The following DYM variants were observed in gnomAD, a reference collection of about 807,000 sequenced individuals.
DYM encodes dymeclin.
In DYM, 78 loss-of-function variants were observed where a neutral mutation model predicts 93.1. That is an observed-to-expected ratio of 0.84 (90% confidence interval 0.70 to 1.01). The LOEUF (loss-of-function observed/expected upper bound fraction) is 1.01, where lower values mean the gene tolerates loss of function less well. Among genes scored for constraint, DYM ranks in the 50% least tolerant of loss-of-function variants. The probability of loss-of-function intolerance (pLI) is 0.00; values close to 1 mark genes in which losing one functional copy is unlikely to be tolerated. For missense variants in DYM, 789 were observed against 845.0 expected (o/e 0.93, Z 0.82); for synonymous variants, 321 against 319.7 (o/e 1.00, Z -0.04).
chr18:49,066,800 C>G (rs1485460046), intron 17 of DYM, among the ~76,000 whole-genome samples: 1 of 152,050 alleles, frequency 6.6e-6, no homozygotes. Flanking sequence ...CAAACCTTCC[C>G]TGGATATTGT....
chr18:49,452,492 C>A (rs548520721), intron 1 of DYM, among the ~76,000 whole-genome samples: 1 of 152,168 alleles, frequency 6.6e-6, no homozygotes, highest in Admixed American at 6.5e-5. Context: ...CGTTTACAAT[C>A]CCTGAGCTAG....
intron 13 of DYM, among the ~76,000 whole-genome samples, chr18:49,212,124 G>C (rs757657387): frequency 2.0e-4 from 30 of 151,886 alleles, no homozygotes; most frequent in Non-Finnish European, 7.4e-5. Flanking sequence ...ACAAAAAACT[G>C]TTCTGTATTC....
chr18:49,291,489 G>T (rs1318166314), intron 8 of DYM, among the ~76,000 whole-genome samples: 1 of 152,120 alleles, frequency 6.6e-6, no homozygotes, highest in Non-Finnish European at 1.5e-5. Context: ...ATGGGGGAAG[G>T]GGGGAAATAG....
chr18:49,241,306 A>ATAG (rs2094001891), intron 13 of DYM, among the ~76,000 whole-genome samples: 4 of 152,214 alleles, frequency 2.6e-5, no homozygotes, highest in Non-Finnish European at 5.9e-5. Flanking sequence ...GCCAAAAAGA[A>ATAG]CATTTCTACG....
chr18:49,336,579 G>A (rs1599517418), intron 6 of DYM, among the ~76,000 whole-genome samples: 2 of 152,270 alleles, frequency 1.3e-5, no homozygotes, highest in East Asian at 3.9e-4. Flanking sequence ...CGTAGGCCCA[G>A]AGAAACAAAT....
In DYM at chr18:49,393,027, AAGGAGG is replaced by A. The variant is rs142926004; in HGVS notation, c.141-1388_141-1383del. Reference sequence around the variant, plus strand: ...AAAAAAGAAGAAGAAGAAGAGGAAGAAGGAGGAGGAGGAGGAGGAGGAGGGGAGGAG... The same window carrying A: ...AAAAAAGAAGAAGAAGAAGAGGAAGAAGGAGGAGGAGGAGGAGGGGAGGAG... On this transcript the variant is annotated intron_variant, in intron 2 of 17. Coordinates refer to ENST00000675505, the MANE Select transcript of DYM (RefSeq NM_001353214.3). Among the ~76,000 whole-genome samples, 113 of 54,716 alleles carry A rather than the reference AAGGAGG, an allele frequency of 2.1e-3. 6 individuals carry two copies. The highest frequency in any genetic ancestry group is 5.6e-3 in the African/African-American group (101 of 18,196). The allele number at this position is 54,716 out of a possible 152,430, so 35.9% of individuals were successfully genotyped here.
At chr18:49,420,898 G>A (rs112303319) in intron 2 of DYM, among the ~76,000 whole-genome samples, 36 of 152,234 alleles carry the variant, frequency 2.4e-4, no homozygotes, top group Admixed American at 4.6e-4. Flanking sequence ...CCACACCCAC[G>A]GAGCCTTGCT....
intron 8 of DYM, among the ~76,000 whole-genome samples, chr18:49,293,249 A>G (rs2060287906): frequency 6.6e-6 from 1 of 152,178 alleles, no homozygotes; most frequent in East Asian, 1.9e-4. Flanking sequence ...GGTTGGTTCC[A>G]AGTCTTTTCT....
At position 49,043,012 on chromosome 18, in the gene DYM, G is replaced by GT. The variant is rs1394407096; in HGVS notation, c.*1042dup. 1 of 152,166 alleles carries GT rather than the reference G, an allele frequency of 6.6e-6. No individual in the cohort carries two copies. Among genetic ancestry groups the GT allele is most frequent in the Non-Finnish European group, 1.5e-5 (1 of 68,028 alleles). 9.4% of individuals were successfully genotyped at this position (152,166 alleles called of 1,614,324 possible). On this transcript the variant is annotated 3_prime_UTR_variant, in exon 18 of 18. Coordinates refer to ENST00000675505, the MANE Select transcript of DYM (RefSeq NM_001353214.3). ...TCTTTTTCCCAATGATTAATACAGA[G>GT]TAGATTAACTTAATTTGTGCTAGAC...
At chr18:49,215,598 G>A (rs2143763915) in intron 13 of DYM, among the ~76,000 whole-genome samples, 1 of 152,244 alleles carries the variant, frequency 6.6e-6, no homozygotes, top group East Asian at 1.9e-4. Flanking sequence ...TTCTAGATGT[G>A]TCATGTTTTG....
chr18:49,272,455 T>C (rs1486401212), intron 10 of DYM, 152 bp from the exon 11 acceptor site: 3 of 622,872 alleles, frequency 4.8e-6, no homozygotes, highest in East Asian at 2.9e-5. Flanking sequence ...TCTGACTGAA[T>C]GTATTTTCCA....
At chr18:49,374,623 C>T (rs2067321260) in intron 5 of DYM, among the ~76,000 whole-genome samples, 1 of 152,164 alleles carries the variant, frequency 6.6e-6, no homozygotes, top group African/African-American at 2.4e-5. Context: ...TGCCTCAGCT[C>T]CCTTTTCCAA....
chr18:49,207,381 A>C (rs2092568014), intron 14 of DYM, among the ~76,000 whole-genome samples: 1 of 152,240 alleles, frequency 6.6e-6, no homozygotes. Flanking sequence ...CACATGGAAC[A>C]GATACGTGGT....
intron 12 of DYM, 97 bp downstream of exon 12, chr18:49,258,283 A>G (rs1598945248): frequency 1.2e-6 from 1 of 811,166 alleles, no homozygotes; most frequent in Non-Finnish European, 2.1e-6. Context: ...ACCATATGTC[A>G]CGAGAATTTT....
chr18:49,254,905 C>A (rs895579037), intron 13 of DYM, among the ~76,000 whole-genome samples: 1 of 152,122 alleles, frequency 6.6e-6, no homozygotes, highest in African/African-American at 2.4e-5. Context: ...CTCCTGGAAA[C>A]TAAAGGCTCT....
chr18:49,055,828 T>A (rs760443610), intron 17 of DYM, among the ~76,000 whole-genome samples: 1 of 152,184 alleles, frequency 6.6e-6, no homozygotes, highest in South Asian at 2.1e-4. Flanking sequence ...AAGACTACGA[T>A]GAGCTGAAGC....
At chr18:49,454,179 C>T (rs2082768986) in intron 1 of DYM, among the ~76,000 whole-genome samples, 1 of 152,100 alleles carries the variant, frequency 6.6e-6, no homozygotes, top group Non-Finnish European at 1.5e-5. Context: ...GAGTCATCAC[C>T]CAACACCCCC....
At chr18:49,101,061 A>G (rs2080084506) in intron 16 of DYM, among the ~76,000 whole-genome samples, 1 of 152,212 alleles carries the variant, frequency 6.6e-6, no homozygotes, top group South Asian at 2.1e-4. Flanking sequence ...CTCCCAGGTT[A>G]TAATTTTGCA....
chr18:49,447,169 G>A (rs574288747), intron 1 of DYM: 199 of 152,340 alleles, frequency 1.3e-3, no homozygotes, highest in African/African-American at 3.8e-3. Flanking sequence ...GAAGCCCTGT[G>A]GTTAAGAAAT....
Sources: gnomAD v4.1 joint callset for allele counts (sites outside exome capture counted in the v4.1 genomes callset) on GRCh38, gnomAD v4.1.1 for gene constraint, MANE v1.5 for transcripts, NCBI Gene and HGNC (gene_info 2026-07-23, HGNC 2026-07-21) for gene names.